The following MSH3 variants were observed in gnomAD, a reference collection of about 807,000 sequenced individuals.
The protein encoded by MSH3 is mutS homolog 3.
Under a neutral mutation model 123.3 loss-of-function variants are expected in MSH3, and 106 were observed. The observed-to-expected ratio is 0.86, with a 90% confidence interval of 0.73 to 1.01. The LOEUF is 1.01. Among genes scored for constraint, MSH3 ranks in the 50% least tolerant of loss-of-function variants. The probability of loss-of-function intolerance (pLI) is 0.00; values close to 1 mark genes in which losing one functional copy is unlikely to be tolerated. For synonymous variants in MSH3, 515 were observed against 481.4 expected, an observed-to-expected ratio of 1.07 and a Z score of -0.91; for missense variants, 1,459 against 1,347.6, an observed-to-expected ratio of 1.08 and a Z score of -1.29.
Position 80,757,620 on chromosome 5 carries a change from G to A in MSH3, c.1764-3926G>A, listed in dbSNP as rs954721614. On this transcript the variant is annotated intron_variant, in intron 12 of 23. Coordinates refer to ENST00000265081, the MANE Select transcript of MSH3 (RefSeq NM_002439.5). ...TGGTATATGGAATGAAATGACTCAG[G>A]TGCCTTCTTTCAGTTAATTTAAGTT... is the stretch of plus-strand genomic sequence containing the variant. Among the ~76,000 whole-genome samples the A allele has an allele frequency of 3.9e-5, 6 of 152,198 alleles. 1 individual carries two copies. The highest frequency in any genetic ancestry group is 3.9e-4 in the Admixed American group (6 of 15,280).
At chr5:80,819,406 GTGTGTATA>G (rs1745163044) in intron 20 of MSH3, among the ~76,000 whole-genome samples, 2 of 148,250 alleles carry the variant, frequency 1.3e-5, no homozygotes, top group African/African-American at 5.0e-5. Context: ...GTGTATATAT[GTGTGTATA>G]TATGTATATA....
intron 2 of MSH3, among the ~76,000 whole-genome samples, chr5:80,661,043 C>T (rs528519406): frequency 1.7e-4 from 26 of 152,224 alleles, no homozygotes; most frequent in East Asian, 3.9e-4. Context: ...GTGATCTACC[C>T]GCCTCGGCCT....
chr5:80,734,692 G>T (rs536172503), intron 10 of MSH3, among the ~76,000 whole-genome samples: 1 of 152,094 alleles, frequency 6.6e-6, no homozygotes, highest in South Asian at 2.1e-4. Flanking sequence ...TATTTCCATG[G>T]TCCCACAGAG....
intron 22 of MSH3, among the ~76,000 whole-genome samples, chr5:80,870,544 C>T (rs1746195202): frequency 6.6e-6 from 1 of 152,142 alleles, no homozygotes; most frequent in Non-Finnish European, 1.5e-5. Flanking sequence ...CTAATCTGTT[C>T]CCACCTACTT....
At chr5:80,875,166 T>A (rs1435362519) in intron 23 of MSH3, among the ~76,000 whole-genome samples, 1 of 152,170 alleles carries the variant, frequency 6.6e-6, no homozygotes, top group Non-Finnish European at 1.5e-5. Context: ...ATGGCAGCCT[T>A]ATCCTCATGG....
intron 22 of MSH3, among the ~76,000 whole-genome samples, chr5:80,872,047 A>T (rs1746223168): frequency 6.6e-6 from 1 of 152,180 alleles, no homozygotes; most frequent in Non-Finnish European, 1.5e-5. Flanking sequence ...CCTAAGTGGG[A>T]TCTGGGTGGT....
chr5:80,789,315 G>GTC (rs1429554933), intron 18 of MSH3, among the ~76,000 whole-genome samples: 19 of 150,490 alleles, frequency 1.3e-4, no homozygotes, highest in Admixed American at 2.6e-4. Flanking sequence ...AATTTTAAGT[G>GTC]TCTCTCTCCA....
intron 20 of MSH3, among the ~76,000 whole-genome samples, chr5:80,835,773 G>A (rs748987164): frequency 5.3e-5 from 8 of 151,962 alleles, no homozygotes; most frequent in Non-Finnish European, 8.8e-5. Flanking sequence ...AAACTAGCTG[G>A]GCATGGTGGC....
chr5:80,862,623 A>T (rs1214742951), intron 21 of MSH3, among the ~76,000 whole-genome samples: 1 of 152,090 alleles, frequency 6.6e-6, no homozygotes, highest in Non-Finnish European at 1.5e-5. Flanking sequence ...AGCCAGGCAT[A>T]GTGGTGCACA....
At chr5:80,863,551 G>C (rs964043796) in intron 21 of MSH3, among the ~76,000 whole-genome samples, 3 of 151,746 alleles carry the variant, frequency 2.0e-5, no homozygotes, top group Non-Finnish European at 4.4e-5. Context: ...GGCACCTGTA[G>C]TCCCAGCTAC....
intron 21 of MSH3, among the ~76,000 whole-genome samples, chr5:80,855,309 T>C (rs1186877933): frequency 6.6e-6 from 1 of 152,164 alleles, no homozygotes; most frequent in Non-Finnish European, 1.5e-5. Context: ...TTTCTTTCTC[T>C]CTTCCTTAAA....
intron 8 of MSH3, among the ~76,000 whole-genome samples, chr5:80,716,827 TTCTA>T (rs1174050114): frequency 6.6e-6 from 1 of 152,220 alleles, no homozygotes; most frequent in East Asian, 1.9e-4. Flanking sequence ...AACTTATTCC[TTCTA>T]TCTAACTGTA....
At chr5:80,816,075 A>G (rs376550888) in intron 20 of MSH3, among the ~76,000 whole-genome samples, 1 of 152,242 alleles carries the variant, frequency 6.6e-6, no homozygotes, top group African/African-American at 2.4e-5. Flanking sequence ...GTATTTATCC[A>G]TTCATTTTCA....
chr5:80,748,674 C>T (rs577473696), intron 12 of MSH3, among the ~76,000 whole-genome samples: 27 of 147,556 alleles, frequency 1.8e-4, no homozygotes, highest in African/African-American at 5.9e-4. Context: ...TTGATATAGT[C>T]TTGTCAATTT....
At chr5:80,805,325 G>A (rs1744867866) in intron 19 of MSH3, among the ~76,000 whole-genome samples, 2 of 151,918 alleles carry the variant, frequency 1.3e-5, no homozygotes, top group South Asian at 4.2e-4. Context: ...TTTTAGAAGG[G>A]GTGGTGGAAA....
chr5:80,857,508 C>T (rs1349696719), intron 21 of MSH3, among the ~76,000 whole-genome samples: 2 of 152,158 alleles, frequency 1.3e-5, no homozygotes, highest in Admixed American at 6.5e-5. Flanking sequence ...CCAGTGAAGC[C>T]ATCTGGGCCT....
At chr5:80,870,707 C>T (rs1000649523) in intron 22 of MSH3, among the ~76,000 whole-genome samples, 6 of 152,138 alleles carry the variant, frequency 3.9e-5, no homozygotes, top group African/African-American at 7.2e-5. Flanking sequence ...TGTCTGCTGC[C>T]GAATTCTTAG....
At chr5:80,864,669 T>G (rs1414162862) in intron 21 of MSH3, 144 bp from the exon 22 acceptor site, 1 of 667,944 alleles carries the variant, frequency 1.5e-6, no homozygotes, top group Non-Finnish European at 2.6e-6. Flanking sequence ...ATTATCTAGG[T>G]AAACAGTATA....
intron 8 of MSH3, among the ~76,000 whole-genome samples, chr5:80,712,480 A>G (rs1750879788): frequency 6.6e-6 from 1 of 151,810 alleles, no homozygotes; most frequent in Admixed American, 6.6e-5. Context: ...TTTTATTTGT[A>G]TTCACCTAAT....
Sources: allele counts gnomAD v4.1 joint callset (sites outside exome capture counted in the v4.1 genomes callset), GRCh38; gene constraint gnomAD v4.1.1; transcripts MANE v1.5; gene names NCBI Gene and HGNC (gene_info 2026-07-23, HGNC 2026-07-21).